The following TDP1 variants were observed in gnomAD, a reference collection of about 807,000 sequenced individuals.
The protein encoded by TDP1 is tyr-DNA phosphodiesterase 1.
TDP1 carries 64 observed loss-of-function variants against 81.5 expected under a neutral mutation model. The observed-to-expected ratio is 0.79, with a 90% CI of 0.64 to 0.97. TDP1 has a LOEUF of 0.97. TDP1 is among the 50% of genes least tolerant of loss of function. The pLI is 0.00. For missense variants in TDP1, 723 were observed against 743.8 expected, an observed-to-expected ratio of 0.97 and a Z score of 0.33; for synonymous variants, 256 against 264.3, an observed-to-expected ratio of 0.97 and a Z score of 0.30.
At chr14:89,964,175 C>T (rs971494973) in intron 3 of TDP1, among the ~76,000 whole-genome samples, 1 of 152,130 alleles carries the variant, frequency 6.6e-6, no homozygotes, top group Admixed American at 6.5e-5. Flanking sequence ...AGAACCACTG[C>T]TTAAAAGCCT....
At chr14:90,009,592 G>A (rs1204190760) in intron 14 of TDP1, among the ~76,000 whole-genome samples, 1 of 152,188 alleles carries the variant, frequency 6.6e-6, no homozygotes, top group Non-Finnish European at 1.5e-5. Context: ...TGAAGGGTAA[G>A]TGTGGTTCTC....
chr14:89,988,634 T>G (rs1895833509), intron 10 of TDP1: 1 of 980,512 alleles, frequency 1.0e-6, no homozygotes, highest in African/African-American at 1.8e-5. Flanking sequence ...GAAATGGGCC[T>G]TTTTAAACCT....
chr14:89,965,280 C>CAA (rs1339702580), intron 3 of TDP1, among the ~76,000 whole-genome samples: 2 of 152,092 alleles, frequency 1.3e-5, no homozygotes, highest in African/African-American at 4.8e-5. Flanking sequence ...TCTTAATTCT[C>CAA]AGAGGCAGTT....
At chr14:90,002,911 T>C (rs1897301707) in intron 14 of TDP1, among the ~76,000 whole-genome samples, 1 of 152,150 alleles carries the variant, frequency 6.6e-6, no homozygotes, top group Admixed American at 6.5e-5. Context: ...TAGCCTTTTC[T>C]AAACTAAATA....
intron 16 of TDP1, among the ~76,000 whole-genome samples, chr14:90,037,991 C>T (rs892524100): frequency 3.3e-5 from 5 of 152,100 alleles, no homozygotes; most frequent in East Asian, 1.9e-4. Context: ...TTCCACTCAC[C>T]GTTTCTTTAT....
intron 7 of TDP1, among the ~76,000 whole-genome samples, chr14:89,976,921 A>T (rs768080144): frequency 2.0e-5 from 3 of 151,960 alleles, no homozygotes; most frequent in Non-Finnish European, 4.4e-5. Context: ...TGGGAGGCCA[A>T]GGTGGGTGGA....
At chr14:89,975,613 C>G in intron 6 of TDP1, 168 bp from the exon 7 acceptor site, 1 of 461,266 alleles carries the variant, frequency 2.2e-6, no homozygotes. Context: ...ATGAGCGTCC[C>G]CAGATGCTAT....
intron 16 of TDP1, among the ~76,000 whole-genome samples, chr14:90,037,324 G>A (rs999316926): frequency 6.6e-6 from 1 of 152,066 alleles, no homozygotes; most frequent in Admixed American, 6.6e-5. Context: ...GAGAGTAAAG[G>A]GTGAAGAAGT....
At chr14:90,010,447 C>G (rs1005987509) in intron 14 of TDP1, among the ~76,000 whole-genome samples, 1 of 152,204 alleles carries the variant, frequency 6.6e-6, no homozygotes, top group Admixed American at 6.5e-5. Flanking sequence ...GTTAAATTAT[C>G]TGGCAAAGGG....
At chr14:90,030,543 G>A (rs1887159211) in intron 15 of TDP1, among the ~76,000 whole-genome samples, 1 of 152,278 alleles carries the variant, frequency 6.6e-6, no homozygotes, top group East Asian at 1.9e-4. Flanking sequence ...ATCTTCATCA[G>A]TGCTGTAACC....
At chr14:90,013,569 C>T (rs1884971838) in intron 14 of TDP1, among the ~76,000 whole-genome samples, 2 of 152,198 alleles carry the variant, frequency 1.3e-5, no homozygotes, top group Non-Finnish European at 2.9e-5. Flanking sequence ...CATTAAACAT[C>T]CTTTCCTTTG....
In TDP1 at chr14:90,043,809, T is replaced by G. The variant is rs1349238712; in HGVS notation, c.*666T>G. The G allele has an allele frequency of 1.7e-4, 26 of 152,566 alleles. 1 individual carries two copies. Among genetic ancestry groups the G allele is most frequent in the Admixed American group, 1.7e-3 (26 of 15,332 alleles). The allele number at this position is 152,566 out of a possible 1,614,324, so 9.5% of individuals were successfully genotyped here. A position where few individuals can be genotyped will look rare whatever the true frequency, so the allele number is the denominator to read the frequency against. ...CATAGAATCTCTTGGTGCTGTCAGC[T>G]GTTGGGAATTGAAGATTGACTTTGT... On this transcript the variant is annotated 3_prime_UTR_variant, in exon 17 of 17. Transcript: ENST00000335725.
At chr14:89,998,383 T>C (rs1198187434) in intron 14 of TDP1, among the ~76,000 whole-genome samples, 3 of 26,906 alleles carry the variant, frequency 1.1e-4, no homozygotes, top group African/African-American at 1.6e-4. Flanking sequence ...TATATATATA[T>C]ATATATATAT....
intron 12 of TDP1, 102 bp downstream of exon 12, chr14:89,989,867 A>G (rs988622530): frequency 5.5e-5 from 48 of 875,320 alleles, no homozygotes; most frequent in Non-Finnish European, 8.3e-5. Context: ...GATGGTTTTC[A>G]CTTAACTATA....
chr14:89,976,565 C>A (rs1023322887), intron 7 of TDP1, among the ~76,000 whole-genome samples: 1 of 113,892 alleles, frequency 8.8e-6, no homozygotes, highest in African/African-American at 3.5e-5. Context: ...TAGACAGAGT[C>A]TCGCTCTGTT....
At chr14:90,004,416 C>G (rs1051666365) in intron 14 of TDP1, among the ~76,000 whole-genome samples, 3 of 152,194 alleles carry the variant, frequency 2.0e-5, no homozygotes, top group African/African-American at 7.2e-5. Flanking sequence ...ATGGTGCTTA[C>G]TATATGCTGG....
intron 14 of TDP1, among the ~76,000 whole-genome samples, chr14:90,014,736 G>A (rs897944217): frequency 6.6e-6 from 1 of 152,080 alleles, no homozygotes; most frequent in Non-Finnish European, 1.5e-5. Context: ...TCACCCTTGG[G>A]GACTTGTACA....
At chr14:89,957,755 C>T (rs1891832894) in intron 2 of TDP1, among the ~76,000 whole-genome samples, 1 of 152,210 alleles carries the variant, frequency 6.6e-6, no homozygotes, top group African/African-American at 2.4e-5. Context: ...TTAGATTTTT[C>T]ATGTTAGTGC....
At chr14:89,977,311 T>C (rs146001224) in intron 7 of TDP1, among the ~76,000 whole-genome samples, 3 of 152,342 alleles carry the variant, frequency 2.0e-5, no homozygotes, top group African/African-American at 7.2e-5. Flanking sequence ...AAAATTTTTT[T>C]TTTGTTGAGA....
Sources: allele counts gnomAD v4.1 joint callset (sites outside exome capture counted in the v4.1 genomes callset), GRCh38; gene constraint gnomAD v4.1.1; transcripts MANE v1.5; gene names NCBI Gene and HGNC (gene_info 2026-07-23, HGNC 2026-07-21).